Variants in C10orf90 observed in about 807,000 individuals in gnomAD.
C10orf90 encodes (E2-independent) E3 ubiquitin-conjugating enzyme FATS.
C10orf90 carries 56 observed loss-of-function variants against 62.5 expected under a neutral mutation model. The ratio of observed to expected loss-of-function variants is 0.90; its 90% confidence interval spans 0.72 to 1.12. The LOEUF (loss-of-function observed/expected upper bound fraction) is 1.12. C10orf90 is among the 50% of genes most tolerant of loss of function. The pLI, the probability that C10orf90 is intolerant of heterozygous loss-of-function variation, is 0.00. For missense variants in C10orf90, 970 were observed against 880.4 expected (o/e 1.10, Z -1.29); for synonymous variants, 386 against 340.4 (o/e 1.13, Z -1.47).
At chr10:126,462,053 A>G (rs1328069932) in intron 5 of C10orf90, among the ~76,000 whole-genome samples, 1 of 152,122 alleles carries the variant, frequency 6.6e-6, no homozygotes, top group Non-Finnish European at 1.5e-5. Context: ...GCTTTGCATA[A>G]GTAATTGGGA....
intron 4 of C10orf90, among the ~76,000 whole-genome samples, chr10:126,481,041 T>A (rs1469589280): frequency 1.3e-5 from 2 of 152,236 alleles, no homozygotes; most frequent in Non-Finnish European, 2.9e-5. Flanking sequence ...CTTGGTCTCA[T>A]CCCTTGAATG....
intron 4 of C10orf90, among the ~76,000 whole-genome samples, chr10:126,487,767 G>A (rs1189162635): frequency 1.3e-5 from 2 of 151,984 alleles, no homozygotes; most frequent in Non-Finnish European, 2.9e-5. Context: ...AGAAGCAAAG[G>A]CAATGGTAAA....
chr10:126,472,702 C>T (rs1334422699), intron 4 of C10orf90, among the ~76,000 whole-genome samples: 1 of 152,184 alleles, frequency 6.6e-6, no homozygotes, highest in Non-Finnish European at 1.5e-5. Context: ...GGTAATCTTC[C>T]AGGCGTTGAA....
rs569718072 is a variant in C10orf90 at position 126,562,944 on chromosome 10, G to A, written c.314-49005C>T. 7.2e-5 allele frequency among the ~76,000 whole-genome samples: 11 copies of A among 152,376 alleles called. No homozygotes were observed. In the East Asian group the frequency reaches 2.1e-3, roughly 29 times the overall value. On this transcript the variant is annotated intron_variant, in intron 2 of 9. Transcript: ENST00000488181. ...AACTCACTTCTCCCAGCCACCGGCAGTGGCATGCTGCCACCCACTCTCATG... is the reference window on the plus strand; with the variant it reads ...AACTCACTTCTCCCAGCCACCGGCAATGGCATGCTGCCACCCACTCTCATG...
At chr10:126,643,805 A>G (rs1846112132) in intron 2 of C10orf90, among the ~76,000 whole-genome samples, 1 of 152,212 alleles carries the variant, frequency 6.6e-6, no homozygotes, top group South Asian at 2.1e-4. Context: ...TGAGAGGGCT[A>G]AGAAAGACTT....
At chr10:126,524,811 G>A (rs1863885227) in intron 2 of C10orf90, 2 of 985,534 alleles carry the variant, frequency 2.0e-6, no homozygotes, top group Non-Finnish European at 2.4e-6. Flanking sequence ...TCGAGGGAGG[G>A]CATGTGTGAG....
intron 4 of C10orf90, among the ~76,000 whole-genome samples, chr10:126,491,866 T>TAA (rs1861790563): frequency 6.6e-6 from 1 of 152,196 alleles, no homozygotes; most frequent in Admixed American, 6.5e-5. Context: ...ATTCCAAACT[T>TAA]ACACTGTACA....
intron 2 of C10orf90, among the ~76,000 whole-genome samples, chr10:126,516,312 T>G (rs1180853195): frequency 6.6e-6 from 1 of 152,174 alleles, no homozygotes; most frequent in Non-Finnish European, 1.5e-5. Context: ...TGACACCAGT[T>G]GTGATTGGCA....
chr10:126,435,819 C>T (rs1857880023), intron 7 of C10orf90, among the ~76,000 whole-genome samples: 2 of 152,104 alleles, frequency 1.3e-5, no homozygotes, highest in African/African-American at 4.8e-5. Flanking sequence ...ACGTGGTTTA[C>T]AGCTGTCTGC....
Position 126,504,935 on chromosome 10 carries a change from C to T in C10orf90, c.556G>A (p.Ala186Thr). Residue 186 changes from alanine (A) to threonine (T), a missense_variant, in exon 4 of 10, where the codon GCT (alanine) becomes ACT (threonine). Coordinates refer to ENST00000488181, the MANE Select transcript of C10orf90 (RefSeq NM_001350921.2). The surrounding 1 kb of genome is among the most constrained non-coding windows in gnomAD (Gnocchi z 4.1). The part of the protein sequence containing the change: ...SRAHHAKQSL[A>T]NRSGVNIHRA... ...TGAATGTTGACTCCGCTGCGGTTAG[C>T]CAGAGATTGCTTGGCGTGATGTGCA... 1 of 1,614,196 alleles carries T rather than the reference C, an allele frequency of 6.2e-7. No homozygotes were observed.
At chr10:126,639,667 G>T (rs1846021424) in intron 2 of C10orf90, among the ~76,000 whole-genome samples, 1 of 152,232 alleles carries the variant, frequency 6.6e-6, no homozygotes, top group Admixed American at 6.5e-5. Flanking sequence ...ACAAGAGGCA[G>T]TAACTGAGCA....
chr10:126,571,677 G>A (rs1844509522), intron 2 of C10orf90, among the ~76,000 whole-genome samples: 1 of 152,164 alleles, frequency 6.6e-6, no homozygotes, highest in Non-Finnish European at 1.5e-5. Context: ...GCACTGGGTG[G>A]GTTGAGGGGG....
At position 126,505,036 on chromosome 10, in the gene C10orf90, G is replaced by A. The variant is rs757878412; in HGVS notation, c.455C>T (p.Ser152Phe). 1.1e-5 allele frequency: 17 copies of A among 1,613,598 alleles called. No homozygotes were observed. Among genetic ancestry groups the A allele is most frequent in the Non-Finnish European group, 1.4e-5 (17 of 1,179,862 alleles). Reference protein sequence around the residue: ...NTKMISSIVISQMIDENKSRE... With the variant: ...NTKMISSIVIFQMIDENKSRE... ...TGACTTATTCTCATCAATCATCTGG[G>A]AGATGACTATGGATGAAATCATTTT... Residue 152 changes from serine (S) to phenylalanine (F), a missense_variant, in exon 4 of 10, where the codon TCC (serine) becomes TTC (phenylalanine). Physicochemically the swap from Ser to Phe is radical, Grantham distance 155. Coordinates refer to ENST00000488181, the MANE Select transcript of C10orf90 (RefSeq NM_001350921.2).
chr10:126,504,786 T>A lies in C10orf90; in HGVS notation c.705A>T (p.Ala235=), dbSNP rs1862621293. The change falls in exon 4 of 10, where the codon GCA becomes GCT. Residue 235 remains alanine (A), a synonymous_variant. Transcript: ENST00000488181. This position sits in a 1 kb window ranked among gnomAD's most constrained non-coding sequence, Gnocchi z 4.1. The stretch of plus-strand genomic sequence containing the variant: ...CGCGTCTGGCCGTGATGGTGATGGA[T>A]GCAAACCCTCTGCGGGGGCCCCCAC... ...RPCGGPRRGF[A]SITITARRVG... is the part of the protein sequence containing the mutation. The A allele has an allele frequency of 1.3e-6, 2 of 1,586,346 alleles. No homozygotes were observed. Among genetic ancestry groups the A allele is most frequent in the East Asian group, 4.5e-5 (2 of 44,588 alleles).
intron 2 of C10orf90, among the ~76,000 whole-genome samples, chr10:126,525,208 G>A (rs1282885691): frequency 9.9e-5 from 15 of 152,184 alleles, no homozygotes; most frequent in Admixed American, 9.8e-4. Flanking sequence ...CCACCAGGAA[G>A]AAAAATGGGA....
chr10:126,649,185 T>C (rs1846242655), intron 1 of C10orf90, among the ~76,000 whole-genome samples: 1 of 151,688 alleles, frequency 6.6e-6, no homozygotes, highest in African/African-American at 2.4e-5. Context: ...ATGTGCACTA[T>C]TGATTCAAGA....
intron 2 of C10orf90, chr10:126,522,698 G>A (rs934770180): frequency 1.3e-5 from 2 of 152,236 alleles, no homozygotes; most frequent in Admixed American, 6.5e-5. Context: ...AGATGAGGAA[G>A]TTGAGCTCCA....
In C10orf90 at chr10:126,504,649, G is replaced by T; in HGVS notation, c.842C>A (p.Ala281Asp). 6.2e-7 allele frequency: 1 copy of T among 1,614,238 alleles called. No homozygotes were observed. ...AGATCTCTGATGCCGACCTGGATGG[G>T]CGCCATTGGCCAGAGCCGGGGGCGC... The part of the protein sequence containing the change: ...FQAPPALANG[A>D]HPGRHQRSFA... The change falls in exon 4 of 10, where the codon GCC becomes GAC. Residue 281 changes from alanine (A) to aspartate (D), a missense_variant. Coordinates refer to ENST00000488181, the MANE Select transcript of C10orf90 (RefSeq NM_001350921.2). The surrounding 1 kb of genome is among the most constrained non-coding windows in gnomAD (Gnocchi z 4.1).
intron 7 of C10orf90, among the ~76,000 whole-genome samples, chr10:126,433,982 T>C (rs1174755208): frequency 6.6e-6 from 1 of 152,176 alleles, no homozygotes; most frequent in Non-Finnish European, 1.5e-5. Flanking sequence ...CTAAGGTAAA[T>C]TGCCTATTTC....
Sources: gnomAD v4.1 joint callset for allele counts (sites outside exome capture counted in the v4.1 genomes callset) on GRCh38, gnomAD v4.1.1 for gene constraint, Gnocchi (gnomAD v3.1) non-coding constraint, MANE v1.5 for transcripts, NCBI Gene and HGNC (gene_info 2026-07-23, HGNC 2026-07-21) for gene names.